The following FBXO43 variants were observed in gnomAD, a reference collection of about 807,000 sequenced individuals.
The protein encoded by FBXO43 is F-box protein 43.
In FBXO43, 22 loss-of-function variants were observed where a neutral mutation model predicts 56.7. The observed-to-expected ratio is 0.39, with a 90% CI of 0.28 to 0.55. The LOEUF is 0.55. FBXO43 is among the 20% of genes least tolerant of loss of function. The probability of loss-of-function intolerance (pLI) is 0.66; values close to 1 mark genes in which losing one functional copy is unlikely to be tolerated. For missense variants in FBXO43, 733 were observed against 814.9 expected (o/e 0.90, Z 1.22); for synonymous variants, 306 against 294.5 (o/e 1.04, Z -0.40).
chr8:100,135,027 A>G (rs889550596), intron 3 of FBXO43, among the ~76,000 whole-genome samples: 1 of 152,204 alleles, frequency 6.6e-6, no homozygotes, highest in African/African-American at 2.4e-5. Context: ...ACACTAAGCA[A>G]AAATAAATAA....
chr8:100,144,702 C>A (rs547374335), intron 1 of FBXO43, among the ~76,000 whole-genome samples: 1 of 150,750 alleles, frequency 6.6e-6, no homozygotes, highest in Non-Finnish European at 1.5e-5. Context: ...GAGGCCGGGG[C>A]GGGCGGATCA....
chr8:100,134,118 T>A, intron 4 of FBXO43, 43 bp downstream of exon 4: 1 of 1,603,092 alleles, frequency 6.2e-7, no homozygotes, highest in Non-Finnish European at 8.5e-7. Flanking sequence ...TCAAACTCTG[T>A]AAATATTTAT....
upstream of FBXO43, among the ~76,000 whole-genome samples, chr8:100,150,094 C>T (rs1313521694): frequency 2.0e-5 from 3 of 152,182 alleles, no homozygotes; most frequent in Non-Finnish European, 4.4e-5. Flanking sequence ...TCACACTAAC[C>T]TTTGCTTTAA....
Position 100,137,594 on chromosome 8 carries a change from A to C in FBXO43, c.1645T>G (p.Tyr549Asp). ...GAATCTGTTTTCAGTTGTGTGATAT[A>C]AAATTTCCTCCTCCGATTTGCATTT... ...DKNANRRRKF[Y>D]ITQLKTDSEG... The change falls in exon 3 of 5, where the codon TAT (tyrosine) becomes GAT (aspartate). Residue 549 changes from tyrosine to aspartate, a missense_variant. Tyr to Asp is a radical substitution (Grantham distance 160). Transcript: ENST00000428847. 1 of 1,612,304 alleles carries C rather than the reference A, an allele frequency of 6.2e-7. No individual in the cohort carries two copies. Among genetic ancestry groups the C allele is most frequent in the South Asian group, 1.1e-5 (1 of 90,888 alleles).
rs75336548 is a variant in FBXO43, at chr8:100,144,397, G to A, written c.85+654C>T. Among the ~76,000 whole-genome samples the A allele has an allele frequency of 3.4e-3, 516 of 152,102 alleles. 5 individuals carry two copies. Among genetic ancestry groups the A allele is most frequent in the African/African-American group, 0.011 (473 of 41,510 alleles). On this transcript the variant is annotated intron_variant, in intron 1 of 4. Coordinates refer to ENST00000428847, the MANE Select transcript of FBXO43 (RefSeq NM_001029860.4). ...CTACACACTTGAAGTTGCCTCCAAC[G>A]TCCTTTCTCTGCTAGCATTTTCATC...
At chr8:100,144,496 C>T (rs1296473820) in intron 1 of FBXO43, among the ~76,000 whole-genome samples, 1 of 152,118 alleles carries the variant, frequency 6.6e-6, no homozygotes, top group African/African-American at 2.4e-5. Flanking sequence ...CATGTAAAAT[C>T]ATGGACTGTC....
intron 2 of FBXO43, among the ~76,000 whole-genome samples, chr8:100,138,508 G>T (rs1211762422): frequency 2.0e-5 from 3 of 152,156 alleles, no homozygotes; most frequent in African/African-American, 4.8e-5. Flanking sequence ...GGGAAGAAAT[G>T]AACTACATAA....
At chr8:100,135,077 G>A (rs1035669698) in intron 3 of FBXO43, among the ~76,000 whole-genome samples, 10 of 152,122 alleles carry the variant, frequency 6.6e-5, no homozygotes, top group African/African-American at 2.4e-4. Flanking sequence ...ATTAACTGGA[G>A]GGAAAAAGTT....
intron 2 of FBXO43, 108 bp downstream of exon 2, chr8:100,140,575 A>G (rs2132131856): frequency 1.2e-6 from 1 of 855,972 alleles, no homozygotes; most frequent in Non-Finnish European, 1.8e-6. Context: ...ATAAGACAAC[A>G]AAAGACAGAG....
At position 100,141,030 on chromosome 8, in the gene FBXO43, T is replaced by C. The variant is rs1814627111; in HGVS notation, c.1224A>G (p.Glu408=). The C allele has an allele frequency of 1.2e-6, 2 of 1,614,162 alleles. No homozygotes were observed. The highest frequency in any genetic ancestry group is 2.7e-5 in the African/African-American group (2 of 74,958). ...TGGCAGAAGCAGCTGCTGCTCTTTTTTCAGAGTCAGGGTGGACAATCTGCT... is the reference window on the plus strand; with the variant it reads ...TGGCAGAAGCAGCTGCTGCTCTTTTCTCAGAGTCAGGGTGGACAATCTGCT... ...EEKQIVHPDS[E]KRAAAASAIS... The change falls in exon 2 of 5, where the codon GAA becomes GAG. Residue 408 remains glutamate, a synonymous_variant. Coordinates refer to ENST00000428847, the MANE Select transcript of FBXO43 (RefSeq NM_001029860.4).
At chr8:100,149,858 C>T (rs767793560), upstream of FBXO43, among the ~76,000 whole-genome samples, 1 of 152,140 alleles carries the variant, frequency 6.6e-6, no homozygotes, top group Non-Finnish European at 1.5e-5. Flanking sequence ...ATTTTCTTCA[C>T]CCTACTAAGT....
rs1436233042 is a variant in FBXO43 at position 100,145,588 on chromosome 8, C to T, written c.-453G>A. Reference sequence around the variant, plus strand: ...AGCACCTGGAAGACACAGGGCGACGCGGGGCCGGGCCGCCGGGAGACCCGC... The same window carrying T: ...AGCACCTGGAAGACACAGGGCGACGTGGGGCCGGGCCGCCGGGAGACCCGC... On this transcript the variant is annotated 5_prime_UTR_variant, in exon 1 of 5. Transcript: ENST00000428847. 6.5e-6 allele frequency: 1 copy of T among 152,936 alleles called. No individual in the cohort carries two copies. Among genetic ancestry groups the T allele is most frequent in the African/African-American group, 2.4e-5 (1 of 41,498 alleles). The allele number at this position is 152,936 out of a possible 1,614,324, so 9.5% of individuals were successfully genotyped here.
upstream of FBXO43, among the ~76,000 whole-genome samples, chr8:100,148,425 T>C (rs1214877364): frequency 1.3e-5 from 2 of 152,186 alleles, no homozygotes; most frequent in Non-Finnish European, 2.9e-5. Flanking sequence ...GCTTCCCTTT[T>C]TTTTGAGACA....
intron 1 of FBXO43, 103 bp from the exon 2 acceptor site, chr8:100,142,271 G>A (rs1429195499): frequency 2.7e-6 from 3 of 1,099,614 alleles, no homozygotes; most frequent in South Asian, 2.9e-5. Context: ...ATGGAAAATT[G>A]TATGACAATT....
intron 1 of FBXO43, among the ~76,000 whole-genome samples, chr8:100,144,628 GAAA>G (rs912423794): frequency 8.8e-6 from 1 of 113,312 alleles, no homozygotes. Flanking sequence ...TGTTCTTTAA[GAAA>G]AAAAAAAAAA....
chr8:100,140,079 T>G (rs1225042657), intron 2 of FBXO43, among the ~76,000 whole-genome samples: 2 of 150,482 alleles, frequency 1.3e-5, no homozygotes, highest in Non-Finnish European at 2.9e-5. Flanking sequence ...TCTTGAAAAT[T>G]TAAAATTCAA....
chr8:100,141,600 T>C lies in FBXO43; in HGVS notation c.654A>G (p.Ser218=), dbSNP rs1359752361. The C allele has an allele frequency of 1.2e-5, 20 of 1,612,582 alleles. No homozygotes were observed. The highest frequency in any genetic ancestry group is 1.7e-5 in the Admixed American group (1 of 60,010). Residue 218 remains serine, a synonymous_variant, in exon 2 of 5, where the codon TCA becomes TCG. Coordinates refer to ENST00000428847, the MANE Select transcript of FBXO43 (RefSeq NM_001029860.4). ...AATTAAGCCTCAATTTTTGACTGCATGAAGTCACTTCTTCTGTTTTTAAAG... is the reference window on the plus strand; with the variant it reads ...AATTAAGCCTCAATTTTTGACTGCACGAAGTCACTTCTTCTGTTTTTAAAG... The part of the protein sequence containing the change: ...TSTLKTEEVT[S]CSQKLRLNFS...
In FBXO43 at chr8:100,141,935, G is replaced by A. The variant is rs553559355; in HGVS notation, c.319C>T (p.His107Tyr). The change falls in exon 2 of 5, where the codon CAC becomes TAC. Residue 107 changes from histidine to tyrosine, a missense_variant. Transcript: ENST00000428847. ...AAGCCCAGGCCTGAAGTTTCAGGGT[G>A]CTCATAGAGTAATGTTGGGCCTTTT... ...KEKGPTLLYE[H>Y]PETSGLGLTH... is the part of the protein sequence containing the mutation. 2.4e-5 allele frequency: 38 copies of A among 1,595,934 alleles called. 1 individual carries two copies. The East Asian group carries it at 2.5e-4, about 10-fold the overall frequency.
Position 100,137,560 on chromosome 8 carries a change from A to C in FBXO43, c.1674+5T>G. The C allele has an allele frequency of 1.3e-6, 2 of 1,574,486 alleles. No individual in the cohort carries two copies. Among genetic ancestry groups the C allele is most frequent in the Non-Finnish European group, 1.7e-6 (2 of 1,145,558 alleles). The stretch of plus-strand genomic sequence containing the variant: ...TCCATTTTAGAGAAGTATTACATAC[A>C]TTACCTCAGAATCTGTTTTCAGTTG... On this transcript the variant is annotated splice_donor_5th_base_variant and intron_variant, in intron 3 of 4. Transcript: ENST00000428847.
Sources: gnomAD v4.1 joint callset for allele counts (sites outside exome capture counted in the v4.1 genomes callset) on GRCh38, gnomAD v4.1.1 for gene constraint, MANE v1.5 for transcripts, NCBI Gene and HGNC (gene_info 2026-07-23, HGNC 2026-07-21) for gene names.